OSBPL7: variants seen among roughly 807,000 people sequenced by gnomAD.
The protein encoded by OSBPL7 is oxysterol-binding protein-related protein 7.
In OSBPL7, 66 loss-of-function variants were observed where a neutral mutation model predicts 115.8. The ratio of observed to expected loss-of-function variants is 0.57; its 90% CI spans 0.47 to 0.70. The LOEUF (loss-of-function observed/expected upper bound fraction) is 0.70. OSBPL7 is among the 30% of genes least tolerant of loss of function. The pLI is 0.00. For missense variants in OSBPL7, 902 were observed against 1,125.5 expected (o/e 0.80, Z 2.84); for synonymous variants, 441 against 439.2 (o/e 1.00, Z -0.05).
chr17:47,818,376 G>T lies in OSBPL7; in HGVS notation c.491C>A (p.Ala164Asp). 1 of 1,613,768 alleles carries T rather than the reference G, an allele frequency of 6.2e-7. No individual in the cohort carries two copies. The highest frequency in any genetic ancestry group is 1.7e-5 in the Admixed American group (1 of 59,974). Residue 164 changes from alanine to aspartate, a missense_variant, in exon 7 of 23, where the codon GCC (alanine) becomes GAC (aspartate). Physicochemically the swap from Ala to Asp is moderately radical, Grantham distance 126. Transcript: ENST00000007414. The stretch of plus-strand genomic sequence containing the variant: ...GGCAGTAGCTGCTGTTGGAAGCTGG[G>T]CACCAGGAACCTGTGGGGTGAGCCC... ...PSTAHRKVPG[A>D]QLPTAATASA...
chr17:47,818,258 G>C lies in OSBPL7; in HGVS notation c.598+11C>G, dbSNP rs1352580819. The C allele has an allele frequency of 6.2e-7, 1 of 1,608,226 alleles. No individual in the cohort carries two copies. Among genetic ancestry groups the C allele is most frequent in the South Asian group, 1.1e-5 (1 of 90,580 alleles). On this transcript the variant is annotated intron_variant, in intron 7 of 22. Transcript: ENST00000007414. ...CCTACCCTTGGAGGTGCTGCGCCTAGGGCCCCTCACCATGAGAGCAGCGGT... is the reference window on the plus strand; with the variant it reads ...CCTACCCTTGGAGGTGCTGCGCCTACGGCCCCTCACCATGAGAGCAGCGGT...
In OSBPL7 at chr17:47,816,006, TG is replaced by T; in HGVS notation, c.1119+100del. The T allele has an allele frequency of 3.0e-6, 3 of 1,008,618 alleles. No individual in the cohort carries two copies. Among genetic ancestry groups the T allele is most frequent in the Non-Finnish European group, 1.4e-6 (1 of 695,614 alleles). 62.5% of individuals were successfully genotyped at this position (1,008,618 alleles called of 1,614,324 possible). ...GGAGCCAGGATTTTTGGGCTGTCTT[TG>T]GGACTAAAAACCAACTTTGCCCACT... On this transcript the variant is annotated intron_variant, in intron 12 of 22. Coordinates refer to ENST00000007414, the MANE Select transcript of OSBPL7 (RefSeq NM_145798.3). The surrounding 1 kb of genome is among the most constrained non-coding windows in gnomAD (Gnocchi z 5.8).
intron 18 of OSBPL7, 103 bp from the exon 19 acceptor site, chr17:47,809,581 G>T: frequency 7.4e-7 from 1 of 1,353,588 alleles, no homozygotes; most frequent in Non-Finnish European, 1.0e-6. Flanking sequence ...CCTGTGACAG[G>T]AACCCTGGGG....
intron 4 of OSBPL7, 34 bp downstream of exon 4, chr17:47,819,695 C>T (rs745858971): frequency 3.0e-5 from 49 of 1,613,636 alleles, no homozygotes; most frequent in Non-Finnish European, 4.2e-5. Context: ...GGGCCAGACT[C>T]CTCCCACAAC....
intron 13 of OSBPL7, 43 bp downstream of exon 13, chr17:47,815,172 T>TGC: frequency 6.3e-7 from 1 of 1,585,652 alleles, no homozygotes; most frequent in Non-Finnish European, 8.6e-7. Context: ...GTTCCCAAGG[T>TGC]CCCCCCTACC....
In OSBPL7 at chr17:47,818,586, C is replaced by T. The variant is rs764860598; in HGVS notation, c.400G>A (p.Val134Met). Residue 134 changes from valine (V) to methionine (M), a missense_variant, in exon 6 of 23, where the codon GTG (valine) becomes ATG (methionine). Coordinates refer to ENST00000007414, the MANE Select transcript of OSBPL7 (RefSeq NM_145798.3). ...AGGCGGTGGGCACGCAGCTGCGCCA[C>T]CCAGCTCTGGAATAGGTCCTGGGAT... ...IKSQDLFQSW[V>M]AQLRAHRLAH... 1.2e-6 allele frequency: 2 copies of T among 1,613,150 alleles called. No homozygotes were observed. The highest frequency in any genetic ancestry group is 1.1e-5 in the South Asian group (1 of 90,946).
Position 47,816,351 on chromosome 17 carries a change from T to C in OSBPL7, c.1023+37A>G. The C allele has an allele frequency of 6.7e-7, 1 of 1,487,694 alleles. No homozygotes were observed. Among genetic ancestry groups the C allele is most frequent in the Non-Finnish European group, 9.0e-7 (1 of 1,114,358 alleles). 92.2% of individuals were successfully genotyped at this position (1,487,694 alleles called of 1,614,324 possible). Reference sequence around the variant, plus strand: ...GCTGGCAGTCCTCAGCTTGAAGCCCTCTCCCCGCACCAGTCACCCTGTCCC... The same window carrying C: ...GCTGGCAGTCCTCAGCTTGAAGCCCCCTCCCCGCACCAGTCACCCTGTCCC... On this transcript the variant is annotated intron_variant, in intron 11 of 22. Coordinates refer to ENST00000007414, the MANE Select transcript of OSBPL7 (RefSeq NM_145798.3). The surrounding 1 kb of genome is among the most constrained non-coding windows in gnomAD (Gnocchi z 5.8).
chr17:47,811,027 C>A (rs1037926986), intron 16 of OSBPL7, among the ~76,000 whole-genome samples, 192 bp from the exon 17 acceptor site: 4 of 152,124 alleles, frequency 2.6e-5, no homozygotes, highest in Admixed American at 2.0e-4. Context: ...CTATGTTCTC[C>A]CTTCTCACTC....
rs747822106 is a variant in OSBPL7 at position 47,808,523 on chromosome 17, G to GCGAGGC, written c.2420+9_2420+14dup. On this transcript the variant is annotated intron_variant, in intron 22 of 22. Coordinates refer to ENST00000007414, the MANE Select transcript of OSBPL7 (RefSeq NM_145798.3). This position sits in a 1 kb window ranked among gnomAD's most constrained non-coding sequence, Gnocchi z 6.1. Reference sequence around the variant, plus strand: ...CTCATGGGGAGACCCAGGGCGGAGGGCGAGGCCGAGGCACCTGAAGAAGCG... The same window carrying GCGAGGC: ...CTCATGGGGAGACCCAGGGCGGAGGGCGAGGCCGAGGCCGAGGCACCTGAAGAAGCG... 4.0e-5 allele frequency: 64 copies of GCGAGGC among 1,614,066 alleles called. No homozygotes were observed. The African/African-American group carries it at 4.7e-4, about 12-fold the overall frequency.
intron 18 of OSBPL7, 69 bp downstream of exon 18, chr17:47,810,525 G>GC: frequency 7.1e-7 from 1 of 1,416,448 alleles, no homozygotes; most frequent in Non-Finnish European, 9.9e-7. Flanking sequence ...TGTCCCTAAG[G>GC]CCACGCCCCC....
chr17:47,817,396 A>T lies in OSBPL7; in HGVS notation c.599-37T>A, dbSNP rs562368212. The T allele has an allele frequency of 1.2e-4, 159 of 1,283,248 alleles. 1 individual carries two copies. The Admixed American group carries it at 1.9e-3, about 16-fold the overall frequency. 79.5% of individuals were successfully genotyped at this position (1,283,248 alleles called of 1,614,324 possible). ...AAGAACAAGAACAAGAACACCATTC[A>T]TTTTTTTTTTGAGACGGAGTTTTGC... On this transcript the variant is annotated intron_variant, in intron 7 of 22. Transcript: ENST00000007414.
rs537847058 is a variant in OSBPL7 at position 47,818,764 on chromosome 17, G to A, written c.370-148C>T. ...AGGCTCACTTGCAGGGAGACAGAGC[G>A]CAAGGCGCCCAGGTGTCTGAGCCCT... On this transcript the variant is annotated intron_variant, in intron 5 of 22. Transcript: ENST00000007414. 80 of 819,116 alleles carry A rather than the reference G, an allele frequency of 9.8e-5. No individual in the cohort carries two copies. In the South Asian group the frequency reaches 1.3e-3, roughly 13 times the overall value. The allele number at this position is 819,116 out of a possible 1,614,324, so 50.7% of individuals were successfully genotyped here.
At chr17:47,814,490 A>ACCCC in intron 14 of OSBPL7, 31 bp downstream of exon 14, 1 of 334,274 alleles carries the variant, frequency 3.0e-6, no homozygotes, top group Admixed American at 3.8e-5. Flanking sequence ...CCCGCCTCCC[A>ACCCC]CCCCTCCCTG....
At position 47,818,254 on chromosome 17, in the gene OSBPL7, C is replaced by T; in HGVS notation, c.598+15G>A. 1 of 1,607,914 alleles carries T rather than the reference C, an allele frequency of 6.2e-7. No homozygotes were observed. The highest frequency in any genetic ancestry group is 8.5e-7 in the Non-Finnish European group (1 of 1,176,404). ...GGGGCCTACCCTTGGAGGTGCTGCGCCTAGGGCCCCTCACCATGAGAGCAG... is the reference window on the plus strand; with the variant it reads ...GGGGCCTACCCTTGGAGGTGCTGCGTCTAGGGCCCCTCACCATGAGAGCAG... On this transcript the variant is annotated intron_variant, in intron 7 of 22. Coordinates refer to ENST00000007414, the MANE Select transcript of OSBPL7 (RefSeq NM_145798.3).
In OSBPL7 at chr17:47,817,358, C is replaced by T. The variant is rs1243026211; in HGVS notation, c.600G>A (p.Glu200=). ...DSDGLDRCSH[E]LSECQGKLQE... ...GGAGCTTCCCCTGACACTCAGAGAG[C>T]TCTGCGGGGAAAAAGAACAAGAACA... The change falls in exon 8 of 23, where the codon GAG becomes GAA. Residue 200 remains glutamate, a splice_region_variant and synonymous_variant. Transcript: ENST00000007414. 4 of 1,598,202 alleles carry T rather than the reference C, an allele frequency of 2.5e-6. No individual in the cohort carries two copies. Among genetic ancestry groups the T allele is most frequent in the Non-Finnish European group, 3.4e-6 (4 of 1,174,468 alleles).
rs72833429 is a variant in OSBPL7, at chr17:47,808,075, T to A, written c.*216A>T. ...TGCTGGTTGTCTGGGGCAAGGAGAC[T>A]GGGGAAGCACAGATTCTGCTTCTCA... On this transcript the variant is annotated 3_prime_UTR_variant, in exon 23 of 23. Transcript: ENST00000007414. The surrounding 1 kb of genome is among the most constrained non-coding windows in gnomAD (Gnocchi z 6.1). The A allele has an allele frequency of 1.2e-5, 7 of 579,748 alleles. No homozygotes were observed. The highest frequency in any genetic ancestry group is 1.9e-5 in the African/African-American group (1 of 53,464). The allele number at this position is 579,748 out of a possible 1,614,324, so 35.9% of individuals were successfully genotyped here.
At chr17:47,809,909 TTC>T (rs1491044891) in intron 18 of OSBPL7, among the ~76,000 whole-genome samples, 37,105 of 122,480 alleles carry the variant, frequency 0.3, 5,204 homozygotes, top group Non-Finnish European at 0.37. Context: ...TTCTTTTCTT[TTC>T]TTTTTTTTTT....
In OSBPL7 at chr17:47,810,817, T is replaced by C. The variant is rs766605972; in HGVS notation, c.1756A>G (p.Ile586Val). 4 of 1,613,822 alleles carry C rather than the reference T, an allele frequency of 2.5e-6. No homozygotes were observed. In the East Asian group the frequency reaches 6.7e-5, roughly 27 times the overall value. ...ISEQVSHHPP[I>V]SACHAESENF... ...TCAGACTCTGCATGGCAGGCCGAGATAGGGGGGTGGTGGGAGACCTTGGTG... is the reference window on the plus strand; with the variant it reads ...TCAGACTCTGCATGGCAGGCCGAGACAGGGGGGTGGTGGGAGACCTTGGTG... The change falls in exon 17 of 23, where the codon ATC (isoleucine) becomes GTC (valine). Residue 586 changes from isoleucine (I) to valine (V), a missense_variant. Physicochemically the swap from Ile to Val is conservative, Grantham distance 29 (BLOSUM62 3). Transcript: ENST00000007414.
intron 12 of OSBPL7, 138 bp downstream of exon 12, chr17:47,815,968 TG>T: frequency 1.5e-6 from 1 of 659,702 alleles, no homozygotes; most frequent in Non-Finnish European, 2.6e-6. Context: ...GCTTACCTTA[TG>T]GGAAAGACAA....
Sources: gnomAD v4.1 joint callset for allele counts (sites outside exome capture counted in the v4.1 genomes callset) on GRCh38, gnomAD v4.1.1 for gene constraint, Gnocchi (gnomAD v3.1) non-coding constraint, MANE v1.5 for transcripts, NCBI Gene and HGNC (gene_info 2026-07-23, HGNC 2026-07-21) for gene names.